IL1RAPL2: variants seen among roughly 807,000 people sequenced by gnomAD.
The protein encoded by IL1RAPL2 is X-linked interleukin-1 receptor accessory protein-like 2.
IL1RAPL2 carries 3 observed loss-of-function variants against 44.1 expected under a neutral mutation model. The ratio of observed to expected loss-of-function variants is 0.07; its 90% CI spans 0.03 to 0.18. The LOEUF (loss-of-function observed/expected upper bound fraction) is 0.18. Among genes scored for constraint, IL1RAPL2 ranks in the 10% least tolerant of loss-of-function variants. The probability of loss-of-function intolerance (pLI) is 1.00; values close to 1 mark genes in which losing one functional copy is unlikely to be tolerated. For synonymous variants in IL1RAPL2, 181 were observed against 178.8 expected (o/e 1.01, Z -0.10); for missense variants, 391 against 496.4 (o/e 0.79, Z 2.02).
intron 2 of IL1RAPL2, among the ~76,000 whole-genome samples, chrX:105,041,051 T>C (rs1307081106): frequency 1.1e-4 from 11 of 101,505 alleles, no homozygotes; most frequent in African/African-American, 4.1e-4. Context: ...CTGCTTTGAA[T>C]GTGTCCCAGA....
intron 9 of IL1RAPL2, among the ~76,000 whole-genome samples, 166 bp from the exon 10 acceptor site, chrX:105,755,011 T>C (rs1233427695): frequency 8.0e-5 from 9 of 112,434 alleles, no homozygotes; most frequent in Non-Finnish European, 1.3e-4. Context: ...AATTCATATA[T>C]GACTAGGTTA....
At chrX:105,607,732 A>G (rs1281080657) in intron 6 of IL1RAPL2, among the ~76,000 whole-genome samples, 1 of 107,996 alleles carries the variant, frequency 9.3e-6, no homozygotes, top group South Asian at 4.1e-4. Flanking sequence ...ATTGTATGGC[A>G]TATTTAAGGA....
At chrX:105,225,201 A>G (rs1448837608) in intron 3 of IL1RAPL2, among the ~76,000 whole-genome samples, 1 of 112,042 alleles carries the variant, frequency 8.9e-6, no homozygotes, top group Non-Finnish European at 1.9e-5. Flanking sequence ...CTACATATAT[A>G]TGTACTGTAT....
intron 5 of IL1RAPL2, among the ~76,000 whole-genome samples, chrX:105,331,545 C>A (rs2034986369): frequency 9.0e-6 from 1 of 111,079 alleles, no homozygotes; most frequent in South Asian, 3.7e-4. Context: ...AACAGAACAG[C>A]AGGTGGTCTC....
At chrX:104,894,925 C>A (rs1357989299) in intron 2 of IL1RAPL2, among the ~76,000 whole-genome samples, 1 of 111,636 alleles carries the variant, frequency 9.0e-6, no homozygotes, top group East Asian at 2.8e-4. Context: ...TTTTATCTAC[C>A]TTTGGTCTTT....
At chrX:105,218,947 A>G (rs781918338) in intron 3 of IL1RAPL2, 12 of 1,188,741 alleles carry the variant, frequency 1.0e-5, no homozygotes, top group East Asian at 3.0e-5. Context: ...CTTCGGTTCT[A>G]TTTTGCATTT....
At position 105,585,057 on chromosome X, in the gene IL1RAPL2, A is replaced by G. The variant is rs569634560; in HGVS notation, c.772+100670A>G. Among the ~76,000 whole-genome samples the G allele has an allele frequency of 3.8e-4, 42 of 110,217 alleles. No individual in the cohort carries two copies. The South Asian group carries it at 0.016, about 42-fold the overall frequency. On this transcript the variant is annotated intron_variant, in intron 6 of 10. Coordinates refer to ENST00000372582, the MANE Select transcript of IL1RAPL2 (RefSeq NM_017416.2). ...AATACAATTTCATTTCAGATATTGT[A>G]TTTTTAATTCCTGGAGATTCTGCTT...
chrX:104,692,192 C>A (rs975273842), intron 2 of IL1RAPL2, among the ~76,000 whole-genome samples: 2 of 110,709 alleles, frequency 1.8e-5, no homozygotes, highest in African/African-American at 6.6e-5. Flanking sequence ...ATCCATTCAG[C>A]AAAAATAGTC....
chrX:104,603,389 C>A (rs1483524948), intron 1 of IL1RAPL2, among the ~76,000 whole-genome samples: 1 of 111,657 alleles, frequency 9.0e-6, no homozygotes, highest in African/African-American at 3.3e-5. Flanking sequence ...ACCAGAACGC[C>A]TCTTCTCCTC....
chrX:104,660,970 A>G (rs1398204642), intron 2 of IL1RAPL2, among the ~76,000 whole-genome samples: 2 of 109,957 alleles, frequency 1.8e-5, no homozygotes, highest in Non-Finnish European at 3.8e-5. Flanking sequence ...ACACACATAC[A>G]CACACACATA....
At chrX:105,354,588 A>G (rs191144182) in intron 5 of IL1RAPL2, among the ~76,000 whole-genome samples, 205 of 110,989 alleles carry the variant, frequency 1.8e-3, no homozygotes, top group Non-Finnish European at 3.2e-3. Context: ...CCAACACGGC[A>G]CATGTGTACA....
intron 2 of IL1RAPL2, among the ~76,000 whole-genome samples, chrX:105,031,006 T>C (rs2031481911): frequency 9.0e-6 from 1 of 110,555 alleles, no homozygotes; most frequent in African/African-American, 3.3e-5. Context: ...TTTGAAGCAA[T>C]TGTGAAAGGG....
At chrX:105,533,736 A>G (rs1433667767) in intron 6 of IL1RAPL2, among the ~76,000 whole-genome samples, 1 of 112,324 alleles carries the variant, frequency 8.9e-6, no homozygotes, top group East Asian at 2.8e-4. Flanking sequence ...TTTCACTCAG[A>G]AAATTTTTTG....
intron 5 of IL1RAPL2, among the ~76,000 whole-genome samples, chrX:105,333,725 C>G (rs1359380931): frequency 9.0e-6 from 1 of 111,268 alleles, no homozygotes; most frequent in East Asian, 2.8e-4. Context: ...AGACATTTCT[C>G]AAAAAAAGAC....
chrX:104,946,623 T>A (rs1306732783), intron 2 of IL1RAPL2, among the ~76,000 whole-genome samples: 2 of 87,785 alleles, frequency 2.3e-5, no homozygotes, highest in Non-Finnish European at 4.3e-5. Context: ...TGTCCATGTG[T>A]TCTCATTGTT....
intron 2 of IL1RAPL2, among the ~76,000 whole-genome samples, chrX:104,790,175 A>T (rs191239707): frequency 4.4e-4 from 50 of 112,361 alleles, no homozygotes; most frequent in Non-Finnish European, 8.6e-4. Flanking sequence ...GTTGTGACAC[A>T]ACCTGACCAA....
chrX:105,148,495 A>G (rs1481993048), intron 2 of IL1RAPL2, among the ~76,000 whole-genome samples: 1 of 112,021 alleles, frequency 8.9e-6, no homozygotes, highest in Non-Finnish European at 1.9e-5. Context: ...TTTTATTGAT[A>G]TTTAGAAAAT....
At chrX:105,670,122 T>TAC (rs2037807135) in intron 6 of IL1RAPL2, among the ~76,000 whole-genome samples, 2 of 41,729 alleles carry the variant, frequency 4.8e-5, no homozygotes, top group African/African-American at 1.0e-4. Flanking sequence ...TATATATATA[T>TAC]ATATATATAT....
intron 5 of IL1RAPL2, among the ~76,000 whole-genome samples, chrX:105,433,680 G>A (rs1303882687): frequency 2.7e-5 from 3 of 111,235 alleles, no homozygotes; most frequent in African/African-American, 9.8e-5. Context: ...TTTAGAAAGA[G>A]GGGATCACAG....
Sources: gnomAD v4.1 joint callset for allele counts (sites outside exome capture counted in the v4.1 genomes callset) on GRCh38, gnomAD v4.1.1 for gene constraint, MANE v1.5 for transcripts, NCBI Gene and HGNC (gene_info 2026-07-23, HGNC 2026-07-21) for gene names.